TSPAN12: variants seen among roughly 807,000 people sequenced by gnomAD.
TSPAN12 encodes the protein tetraspanin 12.
A neutral mutation model predicts 39.2 loss-of-function variants in TSPAN12; 19 were observed. The observed-to-expected ratio is 0.49, with a 90% CI of 0.34 to 0.71. TSPAN12 has a LOEUF of 0.71. Ranked by LOEUF, TSPAN12 falls within the 30% of genes least tolerant of loss-of-function variation. The pLI, the probability that TSPAN12 is intolerant of heterozygous loss-of-function variation, is 0.01. For missense variants in TSPAN12, 314 were observed against 359.9 expected (o/e 0.87, Z 1.03); for synonymous variants, 119 against 124.8 (o/e 0.95, Z 0.31).
chr7:120,798,761 G>A (rs1180567268), intron 7 of TSPAN12, among the ~76,000 whole-genome samples: 1 of 152,080 alleles, frequency 6.6e-6, no homozygotes, highest in East Asian at 1.9e-4. Flanking sequence ...TGCTCCAGCT[G>A]TGCTCTCTTG....
rs569476699 is a variant in TSPAN12 at position 120,854,139 on chromosome 7, T to C, written c.66+2559A>G. 2.0e-5 allele frequency among the ~76,000 whole-genome samples: 3 copies of C among 152,308 alleles called. No individual in the cohort carries two copies. The South Asian group carries it at 6.2e-4, about 32-fold the overall frequency. Reference sequence around the variant, plus strand: ...GAGATAATACTTTAAATGTTTCAGATTGGCAAAGATTTAGAAGTGCCATAT... The same window carrying C: ...GAGATAATACTTTAAATGTTTCAGACTGGCAAAGATTTAGAAGTGCCATAT... On this transcript the variant is annotated intron_variant, in intron 2 of 7. Transcript: ENST00000222747.
intron 4 of TSPAN12, among the ~76,000 whole-genome samples, chr7:120,821,416 T>C (rs1272383726): frequency 1.3e-5 from 2 of 148,842 alleles, no homozygotes; most frequent in African/African-American, 5.0e-5. Flanking sequence ...TACGTGAAAT[T>C]GTCTTGTTGA....
At chr7:120,835,287 C>T (rs2116453294) in intron 4 of TSPAN12, among the ~76,000 whole-genome samples, 1 of 152,318 alleles carries the variant, frequency 6.6e-6, no homozygotes, top group East Asian at 1.9e-4. Flanking sequence ...GGTCTGAATC[C>T]AAGCTCCCAG....
chr7:120,846,364 G>A (rs1211469872), intron 2 of TSPAN12, among the ~76,000 whole-genome samples: 1 of 152,206 alleles, frequency 6.6e-6, no homozygotes, highest in African/African-American at 2.4e-5. Flanking sequence ...AATGACTGCT[G>A]TTGGTTTCTC....
At chr7:120,792,259 G>A (rs1227556444) in intron 7 of TSPAN12, among the ~76,000 whole-genome samples, 1 of 152,188 alleles carries the variant, frequency 6.6e-6, no homozygotes, top group Non-Finnish European at 1.5e-5. Flanking sequence ...GATTGCTACT[G>A]TATGGCTGGT....
chr7:120,815,405 G>A (rs1794060468), intron 5 of TSPAN12, among the ~76,000 whole-genome samples: 1 of 152,116 alleles, frequency 6.6e-6, no homozygotes, highest in Admixed American at 6.5e-5. Context: ...ATTGAATCAT[G>A]GGGCAGTTTC....
chr7:120,842,481 A>C (rs1455500214), intron 2 of TSPAN12, among the ~76,000 whole-genome samples: 3 of 151,266 alleles, frequency 2.0e-5, no homozygotes, highest in Non-Finnish European at 4.4e-5. Context: ...CCTGAAGCAC[A>C]GAAAAGGGAA....
intron 4 of TSPAN12, among the ~76,000 whole-genome samples, chr7:120,837,458 C>G (rs1794500236): frequency 6.6e-6 from 1 of 151,926 alleles, no homozygotes; most frequent in East Asian, 1.9e-4. Context: ...ACTACAGGTG[C>G]CCGCCAACAT....
At chr7:120,800,393 G>C (rs1236785128) in intron 7 of TSPAN12, among the ~76,000 whole-genome samples, 1 of 152,052 alleles carries the variant, frequency 6.6e-6, no homozygotes, top group Non-Finnish European at 1.5e-5. Flanking sequence ...CAAGAATCTT[G>C]GTAAGCTGGT....
chr7:120,810,310 A>G (rs952215058), intron 6 of TSPAN12, among the ~76,000 whole-genome samples, 153 bp downstream of exon 6: 3 of 152,186 alleles, frequency 2.0e-5, no homozygotes. Flanking sequence ...GTTACCTAAG[A>G]TATTTTTCAA....
At chr7:120,847,542 G>C (rs903566324) in intron 2 of TSPAN12, among the ~76,000 whole-genome samples, 1 of 152,080 alleles carries the variant, frequency 6.6e-6, no homozygotes, top group Non-Finnish European at 1.5e-5. Context: ...CCTGTAAATG[G>C]TATAATCAAT....
Position 120,788,913 on chromosome 7 carries a change from A to C in TSPAN12, c.613-16T>G. 1 of 1,613,572 alleles carries C rather than the reference A, an allele frequency of 6.2e-7. No homozygotes were observed. The highest frequency in any genetic ancestry group is 8.5e-7 in the Non-Finnish European group (1 of 1,179,802). On this transcript the variant is annotated splice_polypyrimidine_tract_variant and intron_variant, in intron 7 of 7. Transcript: ENST00000222747. ...TCCCACAACCCTGTAAAAGAAATAC[A>C]TGGTCAACATTACTTTAGATATGTT... is the stretch of plus-strand genomic sequence containing the variant.
chr7:120,836,877 T>C (rs1308720454), intron 4 of TSPAN12, among the ~76,000 whole-genome samples: 2 of 152,228 alleles, frequency 1.3e-5, no homozygotes, highest in Non-Finnish European at 2.9e-5. Flanking sequence ...CCTAAGGGAA[T>C]GCATAAAGAG....
chr7:120,830,752 T>C (rs1794375131), intron 4 of TSPAN12, among the ~76,000 whole-genome samples: 1 of 152,010 alleles, frequency 6.6e-6, no homozygotes, highest in Non-Finnish European at 1.5e-5. Flanking sequence ...TTTTTTAATA[T>C]GACCCCAAAG....
chr7:120,806,706 C>A lies in TSPAN12; in HGVS notation c.469-14G>T. 6.2e-7 allele frequency: 1 copy of A among 1,611,650 alleles called. No individual in the cohort carries two copies. The highest frequency in any genetic ancestry group is 2.2e-5 in the East Asian group (1 of 44,830). ...ACAGCACTTAAACTGCAAAAAAAAT[C>A]ACTAGTCAGCCTCAGAAACCACAAA... On this transcript the variant is annotated splice_polypyrimidine_tract_variant and intron_variant, in intron 6 of 7. Transcript: ENST00000222747.
At chr7:120,852,876 T>A (rs189112921) in intron 2 of TSPAN12, among the ~76,000 whole-genome samples, 19 of 152,050 alleles carry the variant, frequency 1.2e-4, no homozygotes, top group African/African-American at 4.3e-4. Context: ...AGAGAGAGAC[T>A]AAGAAAGAAA....
intron 5 of TSPAN12, among the ~76,000 whole-genome samples, chr7:120,811,751 G>A (rs1665508811): frequency 6.6e-6 from 1 of 151,850 alleles, no homozygotes; most frequent in African/African-American, 2.4e-5. Context: ...GGCATTCACA[G>A]CAACCTGGAT....
At chr7:120,799,530 A>ATAATTATTTTTAATTAAT (rs1562938208) in intron 7 of TSPAN12, among the ~76,000 whole-genome samples, 1 of 110,440 alleles carries the variant, frequency 9.1e-6, no homozygotes, top group African/African-American at 3.6e-5. Flanking sequence ...TTAATTATAT[A>ATAATTATTTTTAATTAAT]TAATTATATA....
intron 2 of TSPAN12, among the ~76,000 whole-genome samples, chr7:120,847,559 A>G (rs1794696171): frequency 6.6e-6 from 1 of 152,142 alleles, no homozygotes; most frequent in African/African-American, 2.4e-5. Flanking sequence ...CAATCCTTCA[A>G]TCATGTAAAC....
Sources: gnomAD v4.1 joint callset for allele counts (sites outside exome capture counted in the v4.1 genomes callset) on GRCh38, gnomAD v4.1.1 for gene constraint, MANE v1.5 for transcripts, NCBI Gene and HGNC (gene_info 2026-07-23, HGNC 2026-07-21) for gene names.